STON1: variants seen among roughly 807,000 people sequenced by gnomAD.
STON1 encodes the protein stonin 1, also known as stonin-1.
A neutral mutation model predicts 60.9 loss-of-function variants in STON1; 79 were observed. That is an observed-to-expected ratio of 1.30 (90% CI 1.08 to 1.56). The LOEUF is 1.56. STON1 is among the 40% of genes most tolerant of loss of function. The pLI is 0.00. For missense variants in STON1, 1,166 were observed against 858.9 expected (o/e 1.36, Z -4.47); for synonymous variants, 363 against 306.9 (o/e 1.18, Z -1.91).
chr2:48,560,568 T>C (rs1056380672), intron 1 of STON1, among the ~76,000 whole-genome samples: 1 of 152,090 alleles, frequency 6.6e-6, no homozygotes, highest in Non-Finnish European at 1.5e-5. Flanking sequence ...AGGCCAGGGG[T>C]GGGCTACATT....
chr2:48,537,652 C>G (rs1369411263), intron 1 of STON1, among the ~76,000 whole-genome samples: 7 of 151,836 alleles, frequency 4.6e-5, no homozygotes, highest in Non-Finnish European at 7.4e-5. Context: ...AGTTCAAGAC[C>G]AGCCTGGCCA....
chr2:48,554,168 A>T (rs1313990686), intron 1 of STON1, among the ~76,000 whole-genome samples: 1 of 152,132 alleles, frequency 6.6e-6, no homozygotes, highest in East Asian at 1.9e-4. Flanking sequence ...GGCACCTGAG[A>T]TGACTTGGGC....
intron 1 of STON1, among the ~76,000 whole-genome samples, chr2:48,536,931 G>T (rs1303979931): frequency 6.6e-6 from 1 of 151,976 alleles, no homozygotes; most frequent in Non-Finnish European, 1.5e-5. Flanking sequence ...TTACTTGCTG[G>T]CCCATAGAAA....
At chr2:48,568,422 G>C (rs1180729962) in intron 1 of STON1, among the ~76,000 whole-genome samples, 2 of 152,150 alleles carry the variant, frequency 1.3e-5, no homozygotes, top group Non-Finnish European at 2.9e-5. Flanking sequence ...CATTTTATTT[G>C]AGTGGTTTAT....
At position 48,581,308 on chromosome 2, in the gene STON1, A is replaced by G. The variant is rs746053690; in HGVS notation, c.675A>G (p.Ser225=). ...ACCAAAAAAGCCTAAATAAGTGTTC[A>G]CTCAACTATATCTGTGAGAAGCTTG... ...PIDQKSLNKC[S]LNYICEKLEH... Residue 225 remains serine (S), a synonymous_variant, in exon 2 of 4, where the codon TCA becomes TCG. Coordinates refer to ENST00000404752, the MANE Select transcript of STON1 (RefSeq NM_006873.4). The G allele has an allele frequency of 1.3e-6, 2 of 1,525,732 alleles. No homozygotes were observed. The highest frequency in any genetic ancestry group is 2.8e-5 in the African/African-American group (2 of 71,798). The allele number at this position is 1,525,732 out of a possible 1,614,324, so 94.5% of individuals were successfully genotyped here.
chr2:48,578,500 T>G (rs1461728106), intron 1 of STON1, among the ~76,000 whole-genome samples: 2 of 151,650 alleles, frequency 1.3e-5, no homozygotes, highest in South Asian at 2.1e-4. Flanking sequence ...CTAATTCTCC[T>G]TTTTCTCCTC....
At position 48,596,351 on chromosome 2, in the gene STON1, G is replaced by C. The variant is rs1173662233; in HGVS notation, c.*1049G>C. The C allele has an allele frequency of 6.6e-6, 1 of 152,210 alleles. No individual in the cohort carries two copies. Among genetic ancestry groups the C allele is most frequent in the Non-Finnish European group, 1.5e-5 (1 of 68,020 alleles). The allele number at this position is 152,210 out of a possible 1,614,324, so 9.4% of individuals were successfully genotyped here. A position where few individuals can be genotyped will look rare whatever the true frequency, so the allele number is the denominator to read the frequency against. On this transcript the variant is annotated 3_prime_UTR_variant, in exon 4 of 4. Transcript: ENST00000404752. ...AGTGGCAACATTTTTATTCTTCAGA[G>C]TCAGGTAAATGACTATAATAGTTTG...
At chr2:48,587,307 TTATGAGACGGAGTCTCGCTC>T (rs1674265238) in intron 2 of STON1, among the ~76,000 whole-genome samples, 1 of 142,930 alleles carries the variant, frequency 7.0e-6, no homozygotes, top group Non-Finnish European at 1.5e-5. Flanking sequence ...ATTTATTTAT[TTATGAGACGGAGTCTCGCTC>T]TGCCACCCAG....
intron 1 of STON1, among the ~76,000 whole-genome samples, chr2:48,564,589 TCCTC>T (rs1672838253): frequency 1.5e-5 from 1 of 64,814 alleles, no homozygotes; most frequent in Non-Finnish European, 3.7e-5. Flanking sequence ...CTCCTCCTCC[TCCTC>T]CTCCTCCTCC....
chr2:48,547,721 T>G (rs1211626452), intron 1 of STON1, among the ~76,000 whole-genome samples: 1 of 152,166 alleles, frequency 6.6e-6, no homozygotes, highest in African/African-American at 2.4e-5. Context: ...AGTGTTTAGA[T>G]TTAGTTGATG....
chr2:48,551,036 A>T (rs572956656), intron 1 of STON1, among the ~76,000 whole-genome samples: 2 of 151,160 alleles, frequency 1.3e-5, no homozygotes, highest in African/African-American at 2.4e-5. Context: ...TATTATTATT[A>T]TTTTTTCAAC....
intron 1 of STON1, among the ~76,000 whole-genome samples, chr2:48,535,639 C>G (rs1223787547): frequency 6.6e-6 from 1 of 151,538 alleles, no homozygotes; most frequent in African/African-American, 2.4e-5. Context: ...GAGGTCAGGA[C>G]AAGAAGTCTG....
Position 48,530,496 on chromosome 2 carries a change from C to G in STON1, c.-48+280C>G, listed in dbSNP as rs115252414. ...TCCGACTCTAAAGAGAAAACTCAAA[C>G]AGCAAAAAAAGGAATATCGACTCAG... On this transcript the variant is annotated intron_variant, in intron 1 of 3. Coordinates refer to ENST00000404752, the MANE Select transcript of STON1 (RefSeq NM_006873.4). 783 of 156,490 alleles carry G rather than the reference C, an allele frequency of 5.0e-3. 5 individuals are homozygous for G. The highest frequency in any genetic ancestry group is 0.018 in the African/African-American group (747 of 41,486). 9.7% of individuals were successfully genotyped at this position (156,490 alleles called of 1,614,324 possible). A position where few individuals can be genotyped will look rare whatever the true frequency, so the allele number is the denominator to read the frequency against.
chr2:48,563,987 C>T (rs1005725591), intron 1 of STON1, among the ~76,000 whole-genome samples: 1 of 148,494 alleles, frequency 6.7e-6, no homozygotes, highest in African/African-American at 2.5e-5. Flanking sequence ...GTGTGAGCCA[C>T]CACGCCTGCC....
chr2:48,560,663 C>T (rs1032014991), intron 1 of STON1, among the ~76,000 whole-genome samples: 1 of 152,174 alleles, frequency 6.6e-6, no homozygotes, highest in African/African-American at 2.4e-5. Context: ...GCAGCCGTTG[C>T]TAGGGCTGCC....
At chr2:48,571,852 G>C (rs1453092286) in intron 1 of STON1, among the ~76,000 whole-genome samples, 3 of 152,138 alleles carry the variant, frequency 2.0e-5, no homozygotes, top group East Asian at 1.9e-4. Context: ...AGAGGTAAGA[G>C]AAACGGAAGC....
At chr2:48,563,614 A>G (rs149194566) in intron 1 of STON1, among the ~76,000 whole-genome samples, 2 of 152,290 alleles carry the variant, frequency 1.3e-5, no homozygotes, top group Non-Finnish European at 2.9e-5. Context: ...CCCTAGTCTC[A>G]GACTCTTGTG....
chr2:48,553,165 A>T (rs548069587), intron 1 of STON1, among the ~76,000 whole-genome samples: 1 of 152,258 alleles, frequency 6.6e-6, no homozygotes, highest in Non-Finnish European at 1.5e-5. Flanking sequence ...GAGCAGTGAC[A>T]GCGCCCACCA....
chr2:48,537,730 A>T (rs1572922312), intron 1 of STON1, among the ~76,000 whole-genome samples: 1 of 151,894 alleles, frequency 6.6e-6, no homozygotes, highest in East Asian at 2.0e-4. Context: ...TGCACCTGTA[A>T]TCCCAGCTAC....
Sources: allele counts gnomAD v4.1 joint callset (sites outside exome capture counted in the v4.1 genomes callset), GRCh38; gene constraint gnomAD v4.1.1; transcripts MANE v1.5; gene names NCBI Gene and HGNC (gene_info 2026-07-23, HGNC 2026-07-21).